Variants in COL23A1 observed in about 807,000 individuals in gnomAD.
The protein encoded by COL23A1 is collagen type XXIII alpha 1 chain, also known as collagen alpha-1(XXIII) chain.
In COL23A1, 97 loss-of-function variants were observed where a neutral mutation model predicts 99.3. The ratio of observed to expected loss-of-function variants is 0.98; its 90% CI spans 0.83 to 1.16. The LOEUF (loss-of-function observed/expected upper bound fraction) is 1.16, where lower values mean the gene tolerates loss of function less well. COL23A1 is among the 50% of genes most tolerant of loss of function. COL23A1 has a pLI of 0.00. For synonymous variants in COL23A1, 320 were observed against 308.2 expected (o/e 1.04, Z -0.40); for missense variants, 762 against 757.4 (o/e 1.01, Z -0.07).
At chr5:178,414,168 T>G (rs949709187) in intron 2 of COL23A1, among the ~76,000 whole-genome samples, 4 of 152,206 alleles carry the variant, frequency 2.6e-5, no homozygotes, top group Admixed American at 2.6e-4. Flanking sequence ...TGATCTCATG[T>G]GGGGAAACAA....
At chr5:178,286,331 G>A (rs1327665040) in intron 5 of COL23A1, among the ~76,000 whole-genome samples, 2 of 152,136 alleles carry the variant, frequency 1.3e-5, no homozygotes, top group African/African-American at 2.4e-5. Context: ...TTCCTTCCAA[G>A]AAAGCTCCCA....
At chr5:178,272,558 T>C (rs1756351138) in intron 5 of COL23A1, among the ~76,000 whole-genome samples, 1 of 152,064 alleles carries the variant, frequency 6.6e-6, no homozygotes, top group Admixed American at 6.5e-5. Flanking sequence ...ATTCAGGCCC[T>C]GGGGGCCCCG....
rs1033152143 is a variant in COL23A1 at position 178,384,768 on chromosome 5, C to A, written c.362-77849G>T. On this transcript the variant is annotated intron_variant, in intron 2 of 28. Transcript: ENST00000390654. This position sits in a 1 kb window ranked among gnomAD's most constrained non-coding sequence, Gnocchi z 5.5. ...AACAGCCACCACGACCCTTGTACCA[C>A]CCGGGGACGGCCCAGAACAGCCTGG... is the stretch of plus-strand genomic sequence containing the variant. Among the ~76,000 whole-genome samples, 8 of 152,230 alleles carry A rather than the reference C, an allele frequency of 5.3e-5. 1 individual carries two copies. The highest frequency in any genetic ancestry group is 1.7e-4 in the African/African-American group (7 of 41,464).
intron 2 of COL23A1, among the ~76,000 whole-genome samples, chr5:178,534,362 A>G (rs1230352936): frequency 1.3e-5 from 2 of 152,104 alleles, no homozygotes; most frequent in African/African-American, 2.4e-5. Context: ...CCGCCTCCCA[A>G]CACCCCCGCC....
intron 2 of COL23A1, among the ~76,000 whole-genome samples, chr5:178,390,119 C>T (rs918624977): frequency 6.6e-6 from 1 of 152,204 alleles, no homozygotes; most frequent in African/African-American, 2.4e-5. Context: ...GCCACGAAGG[C>T]TGGCCTTGGA....
chr5:178,509,856 T>C (rs1182569349), intron 2 of COL23A1, among the ~76,000 whole-genome samples: 1 of 152,196 alleles, frequency 6.6e-6, no homozygotes, highest in Non-Finnish European at 1.5e-5. Context: ...TTGTCTGCTT[T>C]CTCTTCAGCT....
intron 2 of COL23A1, among the ~76,000 whole-genome samples, chr5:178,419,811 ATCCTTC>A (rs1765506615): frequency 6.6e-6 from 1 of 152,232 alleles, no homozygotes; most frequent in Non-Finnish European, 1.5e-5. Flanking sequence ...CCCAGCGGCC[ATCCTTC>A]AACCACTCAT....
rs189290153 is a variant in COL23A1, at chr5:178,450,470, A to T, written c.361+110212T>A. 4.9e-4 allele frequency among the ~76,000 whole-genome samples: 75 copies of T among 152,308 alleles called. 1 individual carries two copies. In the East Asian group the frequency reaches 0.011, roughly 23 times the overall value. ...GGAGCTGGAGCAGCCAGCGGGGGCC[A>T]GGAGAGGACATCGCACGCTGAGAAC... On this transcript the variant is annotated intron_variant, in intron 2 of 28. Coordinates refer to ENST00000390654, the MANE Select transcript of COL23A1 (RefSeq NM_173465.4).
At chr5:178,473,037 C>A in intron 2 of COL23A1, among the ~76,000 whole-genome samples, 1 of 135,518 alleles carries the variant, frequency 7.4e-6, no homozygotes, top group South Asian at 2.5e-4. Context: ...GCGAGAGGAT[C>A]GCTTGAGCCC....
intron 2 of COL23A1, among the ~76,000 whole-genome samples, chr5:178,515,183 C>T (rs1759435848): frequency 6.6e-6 from 1 of 152,214 alleles, no homozygotes; most frequent in South Asian, 2.1e-4. Context: ...GGGACATCTG[C>T]TACAGAGGAC....
chr5:178,321,281 A>G (rs904071577), intron 2 of COL23A1, among the ~76,000 whole-genome samples: 2 of 152,132 alleles, frequency 1.3e-5, no homozygotes, highest in South Asian at 4.1e-4. Flanking sequence ...TTCTCTGCCC[A>G]TTAAACACTA....
At chr5:178,358,157 T>C (rs984475039) in intron 2 of COL23A1, among the ~76,000 whole-genome samples, 3 of 151,316 alleles carry the variant, frequency 2.0e-5, no homozygotes, top group Non-Finnish European at 4.4e-5. Flanking sequence ...TGTGTATGTG[T>C]GTATGTCTAA....
At chr5:178,437,634 CAGGGCCCAGGCCCTG>C (rs1397981788) in intron 2 of COL23A1, among the ~76,000 whole-genome samples, 2 of 152,290 alleles carry the variant, frequency 1.3e-5, no homozygotes, top group East Asian at 3.9e-4. Context: ...ACTGAGTTCT[CAGGGCCCAGGCCCTG>C]AGGGTACCCA....
intron 13 of COL23A1, 143 bp downstream of exon 13, chr5:178,257,380 C>T (rs1765364495): frequency 1.0e-6 from 1 of 958,986 alleles, no homozygotes; most frequent in African/African-American, 1.6e-5. Context: ...GGGCCGCGGC[C>T]TTCCTCTGCC....
At chr5:178,275,513 TAGGG>T in intron 5 of COL23A1, among the ~76,000 whole-genome samples, 1 of 152,222 alleles carries the variant, frequency 6.6e-6, no homozygotes. Flanking sequence ...TAAAGTTAAT[TAGGG>T]AAGAAGGGAG....
chr5:178,363,415 A>C (rs1418582508), intron 2 of COL23A1, among the ~76,000 whole-genome samples: 1 of 152,196 alleles, frequency 6.6e-6, no homozygotes, highest in East Asian at 1.9e-4. Flanking sequence ...GCACTCACTC[A>C]TTCACTGATT....
At chr5:178,462,881 C>T (rs182773911) in intron 2 of COL23A1, among the ~76,000 whole-genome samples, 2 of 152,192 alleles carry the variant, frequency 1.3e-5, no homozygotes, top group South Asian at 4.1e-4. Context: ...TGGTGTGAAA[C>T]TTGGTGAAAA....
At chr5:178,423,415 G>A (rs988170048) in intron 2 of COL23A1, among the ~76,000 whole-genome samples, 1 of 152,172 alleles carries the variant, frequency 6.6e-6, no homozygotes, top group African/African-American at 2.4e-5. Flanking sequence ...GTGATCTATG[G>A]TGTACGGTAA....
chr5:178,444,390 C>A (rs59697910), intron 2 of COL23A1, among the ~76,000 whole-genome samples: 17,179 of 152,102 alleles, frequency 0.11, 1,479 homozygotes, highest in African/African-American at 0.25. Flanking sequence ...CCTCCTAAAA[C>A]TTCTACTTTG....
Sources: gnomAD v4.1 joint callset for allele counts (sites outside exome capture counted in the v4.1 genomes callset) on GRCh38, gnomAD v4.1.1 for gene constraint, Gnocchi (gnomAD v3.1) non-coding constraint, MANE v1.5 for transcripts, NCBI Gene and HGNC (gene_info 2026-07-23, HGNC 2026-07-21) for gene names.